The following PPM1F variants were observed in gnomAD, a reference collection of about 807,000 sequenced individuals.
PPM1F encodes the protein protein phosphatase, Mg2+/Mn2+ dependent 1F.
PPM1F carries 17 observed loss-of-function variants against 35.5 expected under a neutral mutation model. The observed-to-expected ratio is 0.48, with a 90% CI of 0.33 to 0.72. PPM1F has a LOEUF of 0.72. PPM1F is among the 30% of genes least tolerant of loss of function. The pLI is 0.02. For missense variants in PPM1F, 521 were observed against 613.0 expected (o/e 0.85, Z 1.59); for synonymous variants, 241 against 255.5 (o/e 0.94, Z 0.54).
chr22:21,925,533 C>A (rs370309919), intron 7 of PPM1F, 36 bp downstream of exon 7: 2 of 1,597,582 alleles, frequency 1.3e-6, no homozygotes, highest in East Asian at 4.5e-5. Context: ...TTCCGAGAGA[C>A]CTTCTCCCAC....
chr22:21,938,300 G>C, intron 3 of PPM1F: 2 of 1,245,710 alleles, frequency 1.6e-6, no homozygotes, highest in Non-Finnish European at 2.1e-6. Context: ...GCCGCAGAGC[G>C]GAGGAGCAGC....
intron 5 of PPM1F, chr22:21,932,902 C>T (rs2070609464): frequency 6.6e-6 from 1 of 152,554 alleles, no homozygotes; most frequent in Non-Finnish European, 1.5e-5. Flanking sequence ...CCAGCTGATT[C>T]CTCGAGACAG....
Position 21,939,727 on chromosome 22 carries a change from C to A in PPM1F, c.207-47G>T. On this transcript the variant is annotated intron_variant, in intron 2 of 7. Transcript: ENST00000263212. The surrounding 1 kb of genome is among the most constrained non-coding windows in gnomAD (Gnocchi z 5.1). ...TGAGGGGCAGCCCCCAGCAGGAGAC[C>A]ACACCTAGCCCCCCTTCCCCAACTG... 6.5e-7 allele frequency: 1 copy of A among 1,547,034 alleles called. No individual in the cohort carries two copies. Among genetic ancestry groups the A allele is most frequent in the South Asian group, 1.2e-5 (1 of 83,890 alleles).
chr22:21,946,274 C>T, intron 1 of PPM1F, 166 bp from the exon 2 acceptor site: 1 of 407,468 alleles, frequency 2.5e-6, no homozygotes. Context: ...CAGGTGGGGA[C>T]TTGTGGGCAT....
At position 21,946,160 on chromosome 22, in the gene PPM1F, T is replaced by A. The variant is rs746722103; in HGVS notation, c.-60-52A>T. ...AATCAGGGGGCCATGGCACCAGCAA[T>A]GCAGGTGCCCACCTGCAAGCACCAT... On this transcript the variant is annotated intron_variant, in intron 1 of 7. Coordinates refer to ENST00000263212, the MANE Select transcript of PPM1F (RefSeq NM_014634.4). 2.8e-5 allele frequency: 24 copies of A among 862,270 alleles called. No individual in the cohort carries two copies. In the Admixed American group the frequency reaches 3.3e-4, roughly 12 times the overall value. 53.4% of individuals were successfully genotyped at this position (862,270 alleles called of 1,614,324 possible).
chr22:21,933,532 G>A lies in PPM1F; in HGVS notation c.606C>T (p.Gly202=), dbSNP rs1042360610. The A allele has an allele frequency of 1.1e-5, 17 of 1,613,570 alleles. No homozygotes were observed. The highest frequency in any genetic ancestry group is 3.3e-5 in the Admixed American group (2 of 60,004). Residue 202 remains glycine (G), a synonymous_variant, in exon 5 of 8, where the codon GGC becomes GGT. Transcript: ENST00000263212. The stretch of plus-strand genomic sequence containing the variant: ...CAGCGGCGTACCTCGCAGCATCCAC[G>A]CCTCCGTGACCATCAAACACAGCAA... ...AYFAVFDGHG[G]VDAARYAAVH... is the part of the protein sequence containing the mutation.
intron 7 of PPM1F, among the ~76,000 whole-genome samples, chr22:21,924,713 G>A (rs1489379407): frequency 6.6e-6 from 1 of 151,122 alleles, no homozygotes; most frequent in Non-Finnish European, 1.5e-5. Flanking sequence ...GAGATTACAG[G>A]CGCGTGCCAC....
intron 4 of PPM1F, 25 bp downstream of exon 4, chr22:21,933,999 C>T (rs1336940561): frequency 6.6e-7 from 1 of 1,526,048 alleles, no homozygotes; most frequent in Non-Finnish European, 8.9e-7. Flanking sequence ...GAAGCTGTCC[C>T]CAGGGTCTGG....
At chr22:21,931,321 AGAG>A in intron 5 of PPM1F, 30 bp from the exon 6 acceptor site, 1 of 1,603,036 alleles carries the variant, frequency 6.2e-7, no homozygotes, top group East Asian at 2.2e-5. Context: ...ATGAGAGTTG[AGAG>A]GAGGTAGGGA....
intron 3 of PPM1F, chr22:21,938,294 C>T: frequency 3.2e-6 from 4 of 1,261,618 alleles, no homozygotes; most frequent in Non-Finnish European, 4.1e-6. Flanking sequence ...GGTGGGGCCG[C>T]AGAGCGGAGG....
At chr22:21,934,336 C>T (rs554577533) in intron 3 of PPM1F, 110 bp from the exon 4 acceptor site, 15 of 847,296 alleles carry the variant, frequency 1.8e-5, no homozygotes, top group Admixed American at 1.1e-4. Context: ...CATCACCTCC[C>T]GGGGCATTGT....
In PPM1F at chr22:21,934,212, T is replaced by G; in HGVS notation, c.370A>C (p.Ser124Arg). ...CGGTTAAAGAAACTCTGTGCCAGGC[T>G]TTGGGCATCCAGCACTGATGGGCAC... is the stretch of plus-strand genomic sequence containing the variant. Reference protein sequence around the residue: ...KAPVTLLDAQSLAQSFFNRLW... With the variant: ...KAPVTLLDAQRLAQSFFNRLW... Residue 124 changes from serine to arginine, a missense_variant, in exon 4 of 8, where the codon AGC (serine) becomes CGC (arginine). Around this residue, in one of 3 missense-constraint regions of PPM1F, gnomAD observed 311 missense variants for 351.5 expected, o/e 0.88. Transcript: ENST00000263212. The G allele has an allele frequency of 6.4e-7, 1 of 1,571,274 alleles. No homozygotes were observed. The highest frequency in any genetic ancestry group is 1.2e-5 in the South Asian group (1 of 85,688).
At position 21,939,589 on chromosome 22, in the gene PPM1F, TG is replaced by T; in HGVS notation, c.297del (p.Arg100GlyfsTer18). ...QTDLSEFRKL[P>X]REEEEEEEDD... ...TCCTCCTCCTCTTCTTCTTCCTCCC[TG>T]GGCAACTTCCTGAATTCGGAAAGGT... On this transcript the variant is annotated frameshift_variant, in exon 3 of 8. Coordinates refer to ENST00000263212, the MANE Select transcript of PPM1F (RefSeq NM_014634.4). LOFTEE classifies it high-confidence loss of function. This position sits in a 1 kb window ranked among gnomAD's most constrained non-coding sequence, Gnocchi z 5.1. 1 of 1,570,320 alleles carries T rather than the reference TG, an allele frequency of 6.4e-7. No individual in the cohort carries two copies.
chr22:21,938,592 G>A, intron 3 of PPM1F: 1 of 1,028,936 alleles, frequency 9.7e-7, no homozygotes, highest in Non-Finnish European at 1.2e-6. Flanking sequence ...GGAAAGGAAA[G>A]GAAATGGCAA....
At chr22:21,933,313 T>C (rs1042907614) in intron 5 of PPM1F, 78 bp downstream of exon 5, 1 of 1,342,562 alleles carries the variant, frequency 7.4e-7, no homozygotes, top group Non-Finnish European at 1.0e-6. Context: ...CCAGCCCCTT[T>C]GGCGTTTTTC....
Position 21,927,932 on chromosome 22 carries a change from TTTTTG to T in PPM1F, c.892-2275_892-2271del, listed in dbSNP as rs1207091572. On this transcript the variant is annotated intron_variant, in intron 6 of 7. Coordinates refer to ENST00000263212, the MANE Select transcript of PPM1F (RefSeq NM_014634.4). ...CCTAGTCACTGATTCTTGATTCTGT[TTTTTG>T]TTTTGTTTTTTTTTTTTTTTTTTTT... Among the ~76,000 whole-genome samples, 305 of 142,856 alleles carry T rather than the reference TTTTTG, an allele frequency of 2.1e-3. 8 individuals are homozygous for T. Among genetic ancestry groups the T allele is most frequent in the African/African-American group, 7.9e-3 (285 of 36,244 alleles). 93.7% of individuals were successfully genotyped at this position (142,856 alleles called of 152,430 possible). A position where few individuals can be genotyped will look rare whatever the true frequency, so the allele number is the denominator to read the frequency against.
chr22:21,931,005 T>A (rs2070582262), intron 6 of PPM1F, 143 bp downstream of exon 6: 2 of 1,383,258 alleles, frequency 1.4e-6, no homozygotes, highest in African/African-American at 2.9e-5. Flanking sequence ...CCCCGGCCAC[T>A]CAAATCAGGC....
At position 21,923,133 on chromosome 22, in the gene PPM1F, T is replaced by A. The variant is rs1455502051; in HGVS notation, c.1324A>T (p.Ser442Cys). ...GCCTGGGTCTCAGGTTCTGGAAGGC[T>A]GGAGGGCAAGTCCTGCCTCCTCCCT... ...AEGRRQDLPS[S>C]LPEPETQAPP... The change falls in exon 8 of 8, where the codon AGC becomes TGC. Residue 442 changes from serine to cysteine, a missense_variant. By Grantham distance (112) the Ser-to-Cys change is moderately radical (BLOSUM62 -1). Coordinates refer to ENST00000263212, the MANE Select transcript of PPM1F (RefSeq NM_014634.4). 4 of 1,613,022 alleles carry A rather than the reference T, an allele frequency of 2.5e-6. No homozygotes were observed. The South Asian group carries it at 3.3e-5, about 13-fold the overall frequency.
intron 4 of PPM1F, 115 bp from the exon 5 acceptor site, chr22:21,933,694 G>C: frequency 1.0e-6 from 1 of 969,380 alleles, no homozygotes; most frequent in East Asian, 2.6e-5. Flanking sequence ...GCCTTCGCCC[G>C]GCTTATGTGC....
Sources: allele counts gnomAD v4.1 joint callset (sites outside exome capture counted in the v4.1 genomes callset), GRCh38; gene constraint gnomAD v4.1.1; regional missense constraint gnomAD v4.1.1; non-coding constraint Gnocchi (gnomAD v3.1); transcripts MANE v1.5; gene names NCBI Gene and HGNC (gene_info 2026-07-23, HGNC 2026-07-21).